Variants in BAX observed in about 807,000 individuals in gnomAD.
The protein encoded by BAX is BCL2 associated X, apoptosis regulator.
In BAX, 21 loss-of-function variants were observed where a neutral mutation model predicts 26.8. That is an observed-to-expected ratio of 0.78 (90% CI 0.56 to 1.13). The LOEUF (loss-of-function observed/expected upper bound fraction) is 1.13. Ranked by LOEUF, BAX falls within the 50% of genes most tolerant of loss-of-function variation. The pLI, the probability that BAX is intolerant of heterozygous loss-of-function variation, is 0.00. For synonymous variants in BAX, 110 were observed against 101.8 expected, an observed-to-expected ratio of 1.08 and a Z score of -0.49; for missense variants, 236 against 254.6, an observed-to-expected ratio of 0.93 and a Z score of 0.50.
At chr19:48,955,657 T>C in intron 2 of BAX, 30 bp from the exon 3 acceptor site, 1 of 1,612,226 alleles carries the variant, frequency 6.2e-7, no homozygotes. Flanking sequence ...CCCGTTCTGA[T>C]TCTGCACCCT....
Position 48,954,886 on chromosome 19 carries a change from G to T in BAX, c.-43G>T, listed in dbSNP as rs2038057950. On this transcript the variant is annotated 5_prime_UTR_variant, in exon 1 of 6. Transcript: ENST00000345358. ...CACGTGACCCGGGCGCGCTGCGGCC[G>T]CCCGCGCGGACCCGGCGAGAGGCGG... 3.3e-6 allele frequency: 4 copies of T among 1,225,746 alleles called. No homozygotes were observed. The allele number at this position is 1,225,746 out of a possible 1,614,324, so 75.9% of individuals were successfully genotyped here.
Position 48,956,300 on chromosome 19 carries a change from C to T in BAX, c.336C>T (p.Ala112=), listed in dbSNP as rs2038130919. The change falls in exon 4 of 6, where the codon GCC becomes GCT. Residue 112 remains alanine (A), a synonymous_variant. Coordinates refer to ENST00000345358, the MANE Select transcript of BAX (RefSeq NM_138761.4). ...DGNFNWGRVV[A]LFYFASKLVL... ...ACTTCAACTGGGGCCGGGTTGTCGCCCTTTTCTACTTTGCCAGCAAACTGG... is the reference window on the plus strand; with the variant it reads ...ACTTCAACTGGGGCCGGGTTGTCGCTCTTTTCTACTTTGCCAGCAAACTGG... 1 of 1,583,344 alleles carries T rather than the reference C, an allele frequency of 6.3e-7. No individual in the cohort carries two copies. Among genetic ancestry groups the T allele is most frequent in the Non-Finnish European group, 8.6e-7 (1 of 1,166,046 alleles).
chr19:48,957,705 G>T (rs2038195222), intron 4 of BAX, among the ~76,000 whole-genome samples: 1 of 152,084 alleles, frequency 6.6e-6, no homozygotes, highest in Non-Finnish European at 1.5e-5. Flanking sequence ...GACTTGCAAT[G>T]GTGTTACATC....
chr19:48,958,538 TTCTTTC>T (rs1202723471), intron 4 of BAX, among the ~76,000 whole-genome samples: 4 of 35,856 alleles, frequency 1.1e-4, no homozygotes, highest in African/African-American at 2.3e-4. Flanking sequence ...ATTTCTTTCT[TTCTTTC>T]TTTTTTTTTT....
intron 4 of BAX, among the ~76,000 whole-genome samples, chr19:48,958,246 G>T (rs2038213996): frequency 6.6e-6 from 1 of 151,140 alleles, no homozygotes; most frequent in South Asian, 2.1e-4. Context: ...ATGCCACCAC[G>T]CCCCACTAAC....
intron 4 of BAX, among the ~76,000 whole-genome samples, chr19:48,958,899 C>T (rs765468061): frequency 6.6e-5 from 10 of 150,960 alleles, no homozygotes; most frequent in Non-Finnish European, 8.9e-5. Flanking sequence ...GCCTGAACGT[C>T]CGAGATGAGG....
chr19:48,958,589 G>C (rs1259419592), intron 4 of BAX, among the ~76,000 whole-genome samples: 1 of 149,722 alleles, frequency 6.7e-6, no homozygotes, highest in Non-Finnish European at 1.5e-5. Context: ...TTGCACCCAG[G>C]CTGGAGTGCA....
chr19:48,960,395 C>T (rs1017902894), intron 4 of BAX: 12 of 315,800 alleles, frequency 3.8e-5, no homozygotes, highest in African/African-American at 1.8e-4. Flanking sequence ...TGGAGTTTTG[C>T]TCTTGTTGCC....
At chr19:48,961,443 C>A in intron 5 of BAX, 89 bp from the exon 6 acceptor site, 1 of 1,305,568 alleles carries the variant, frequency 7.7e-7, no homozygotes, top group Non-Finnish European at 1.1e-6. Context: ...ATCCTGCCTT[C>A]TGGCCTCCTC....
intron 4 of BAX, among the ~76,000 whole-genome samples, chr19:48,958,077 C>T (rs1306065102): frequency 7.9e-6 from 1 of 126,276 alleles, no homozygotes; most frequent in Non-Finnish European, 1.6e-5. Flanking sequence ...GTGGTAGCAG[C>T]AGAGGTGCGG....
At chr19:48,957,598 G>A (rs924265424) in intron 4 of BAX, among the ~76,000 whole-genome samples, 1 of 152,118 alleles carries the variant, frequency 6.6e-6, no homozygotes, top group Non-Finnish European at 1.5e-5. Context: ...ACTTTACTCT[G>A]AGTGTGATGG....
intron 1 of BAX, 159 bp from the exon 2 acceptor site, chr19:48,955,389 G>A: frequency 1.3e-6 from 1 of 755,618 alleles, no homozygotes; most frequent in Non-Finnish European, 2.0e-6. Flanking sequence ...CTCCATCAGG[G>A]ACTCAGTTGT....
intron 4 of BAX, among the ~76,000 whole-genome samples, chr19:48,959,660 CAAA>C (rs1229929205): frequency 1.1e-5 from 1 of 94,626 alleles, no homozygotes. Context: ...ACTAAAAATT[CAAA>C]AAAAAAAAAA....
In BAX at chr19:48,955,646, C is replaced by T. The variant is rs779255459; in HGVS notation, c.87-41C>T. ...TGTGGCACAGATTTGAGGAGTGACA[C>T]CCCGTTCTGATTCTGCACCCTCACT... On this transcript the variant is annotated intron_variant, in intron 2 of 5. Coordinates refer to ENST00000345358, the MANE Select transcript of BAX (RefSeq NM_138761.4). 11 of 1,612,658 alleles carry T rather than the reference C, an allele frequency of 6.8e-6. No individual in the cohort carries two copies. The Admixed American group carries it at 1.8e-4, about 27-fold the overall frequency.
chr19:48,957,989 C>G (rs2038204320), intron 4 of BAX, among the ~76,000 whole-genome samples: 1 of 151,972 alleles, frequency 6.6e-6, no homozygotes. Flanking sequence ...CAAAAGAGAT[C>G]ATGAGGCACA....
chr19:48,958,271 T>A (rs1194877951), intron 4 of BAX, among the ~76,000 whole-genome samples: 1 of 151,502 alleles, frequency 6.6e-6, no homozygotes, highest in African/African-American at 2.4e-5. Context: ...GCATTAGTCT[T>A]TTTCTATAGA....
intron 4 of BAX, among the ~76,000 whole-genome samples, chr19:48,959,818 C>T (rs1026196963): frequency 2.7e-5 from 4 of 146,368 alleles, no homozygotes; most frequent in Non-Finnish European, 6.0e-5. Flanking sequence ...AAGATCAAAA[C>T]TCTATCTCAA....
At chr19:48,958,606 C>T (rs529020688) in intron 4 of BAX, among the ~76,000 whole-genome samples, 18 of 149,324 alleles carry the variant, frequency 1.2e-4, no homozygotes, top group East Asian at 8.0e-4. Context: ...TGCAGTGGCG[C>T]GATCTCAGCT....
Position 48,960,870 on chromosome 19 carries a change from C to T in BAX, c.430C>T (p.Leu144Phe). Reference protein sequence around the residue: ...RTIMGWTLDFLRERLLGWIQD... With the variant: ...RTIMGWTLDFFRERLLGWIQD... ...CATCATGGGCTGGACATTGGACTTC[C>T]TCCGGGAGCGGCTGTTGGGCTGGAT... is the stretch of plus-strand genomic sequence containing the variant. The change falls in exon 5 of 6, where the codon CTC becomes TTC. Residue 144 changes from leucine (L) to phenylalanine (F), a missense_variant. Coordinates refer to ENST00000345358, the MANE Select transcript of BAX (RefSeq NM_138761.4). 1 of 1,614,176 alleles carries T rather than the reference C, an allele frequency of 6.2e-7. No homozygotes were observed. Among genetic ancestry groups the T allele is most frequent in the Non-Finnish European group, 8.5e-7 (1 of 1,180,030 alleles).
Sources: allele counts gnomAD v4.1 joint callset (sites outside exome capture counted in the v4.1 genomes callset), GRCh38; gene constraint gnomAD v4.1.1; transcripts MANE v1.5; gene names NCBI Gene and HGNC (gene_info 2026-07-23, HGNC 2026-07-21).